CCNY: variants seen among roughly 807,000 people sequenced by gnomAD.
CCNY encodes the protein cyclin Y.
CCNY carries 19 observed loss-of-function variants against 42.8 expected under a neutral mutation model. The observed-to-expected ratio is 0.44, with a 90% CI of 0.31 to 0.65. The LOEUF (loss-of-function observed/expected upper bound fraction) is 0.65. CCNY is among the 30% of genes least tolerant of loss of function. The pLI is 0.07. For synonymous variants in CCNY, 165 were observed against 162.7 expected (o/e 1.01, Z -0.11); for missense variants, 370 against 437.3 (o/e 0.85, Z 1.37).
chr10:35,502,444 A>G (rs1840129800), intron 3 of CCNY, among the ~76,000 whole-genome samples: 1 of 152,214 alleles, frequency 6.6e-6, no homozygotes, highest in South Asian at 2.1e-4. Context: ...TTAAAGCCAT[A>G]ATGTTGTATT....
At chr10:35,365,386 T>C (rs1377748545) in intron 1 of CCNY, among the ~76,000 whole-genome samples, 1 of 152,230 alleles carries the variant, frequency 6.6e-6, no homozygotes, top group African/African-American at 2.4e-5. Flanking sequence ...AGCCAATACA[T>C]AGATTCATTT....
At chr10:35,308,595 G>A (rs1835643130) in intron 3 of CCNY, among the ~76,000 whole-genome samples, 1 of 152,072 alleles carries the variant, frequency 6.6e-6, no homozygotes, top group Non-Finnish European at 1.5e-5. Context: ...GGACAGAGAG[G>A]GAGCCTGGAA....
intron 1 of CCNY, among the ~76,000 whole-genome samples, chr10:35,404,389 G>A (rs1319220636): frequency 6.6e-6 from 1 of 152,170 alleles, no homozygotes; most frequent in Non-Finnish European, 1.5e-5. Context: ...TGTGGGGGCA[G>A]CTTCTAGGGC....
intron 1 of CCNY, among the ~76,000 whole-genome samples, chr10:35,380,969 A>G (rs1211049903): frequency 6.6e-6 from 1 of 152,118 alleles, no homozygotes; most frequent in Non-Finnish European, 1.5e-5. Context: ...TCCGAGTACC[A>G]TTTTAACTCT....
chr10:35,519,519 C>T (rs1840500620), intron 4 of CCNY, among the ~76,000 whole-genome samples: 1 of 152,180 alleles, frequency 6.6e-6, no homozygotes, highest in Non-Finnish European at 1.5e-5. Flanking sequence ...TCACAGGCAG[C>T]CAAAGTTGAA....
At chr10:35,565,559 C>G (rs907039146) in intron 8 of CCNY, among the ~76,000 whole-genome samples, 132 of 152,346 alleles carry the variant, frequency 8.7e-4, no homozygotes, top group Middle Eastern at 3.4e-3. Context: ...TACACAGTTC[C>G]TCCCTTCTTT....
chr10:35,552,850 C>T (rs1841287851), intron 7 of CCNY, among the ~76,000 whole-genome samples, 169 bp from the exon 8 acceptor site: 1 of 152,160 alleles, frequency 6.6e-6, no homozygotes, highest in Non-Finnish European at 1.5e-5. Context: ...ACTTTTAGCC[C>T]ACGTTTCATC....
chr10:35,362,952 C>G (rs973341369), intron 1 of CCNY, among the ~76,000 whole-genome samples: 2 of 152,128 alleles, frequency 1.3e-5, no homozygotes, highest in East Asian at 1.9e-4. Context: ...GGTCGGTGGC[C>G]GTACAGAGGC....
At chr10:35,518,739 A>C (rs1269584584) in intron 4 of CCNY, among the ~76,000 whole-genome samples, 1 of 144,584 alleles carries the variant, frequency 6.9e-6, no homozygotes, top group Non-Finnish European at 1.5e-5. Context: ...TGGCTGAGGC[A>C]TACTGTGGGT....
chr10:35,258,924 A>C (rs1305861189), intron 3 of CCNY, among the ~76,000 whole-genome samples: 1 of 140,874 alleles, frequency 7.1e-6, no homozygotes, highest in South Asian at 2.3e-4. Context: ...TGACAGAGAG[A>C]GACTGTCTTA....
At chr10:35,248,585 G>T (rs1310083862) in intron 2 of CCNY, among the ~76,000 whole-genome samples, 1 of 152,148 alleles carries the variant, frequency 6.6e-6, no homozygotes, top group Non-Finnish European at 1.5e-5. Flanking sequence ...GGAGGAGGTT[G>T]CAGTGAGCCA....
At chr10:35,535,141 A>C (rs1262132133) in intron 7 of CCNY, among the ~76,000 whole-genome samples, 3 of 151,776 alleles carry the variant, frequency 2.0e-5, no homozygotes, top group African/African-American at 7.3e-5. Flanking sequence ...ATTTGGAAGA[A>C]GGGGTCAGGG....
At chr10:35,314,435 C>T (rs1247911339) in intron 3 of CCNY, 1 of 151,950 alleles carries the variant, frequency 6.6e-6, no homozygotes, top group Non-Finnish European at 1.5e-5. Context: ...GGGTAAACTG[C>T]CCCCATGATT....
chr10:35,501,602 C>A, intron 3 of CCNY, 67 bp downstream of exon 3: 1 of 1,342,158 alleles, frequency 7.5e-7, no homozygotes, highest in Non-Finnish European at 1.1e-6. Flanking sequence ...AAATAACTGT[C>A]TGTGATGGAT....
At chr10:35,524,953 C>A (rs922731733) in intron 4 of CCNY, among the ~76,000 whole-genome samples, 2 of 152,144 alleles carry the variant, frequency 1.3e-5, no homozygotes, top group Non-Finnish European at 1.5e-5. Flanking sequence ...TTGTTAATGA[C>A]TTGAGGTCAA....
At chr10:35,561,073 C>T (rs987395799) in intron 8 of CCNY, among the ~76,000 whole-genome samples, 15 of 152,212 alleles carry the variant, frequency 9.9e-5, no homozygotes, top group Non-Finnish European at 1.9e-4. Context: ...AAGCTGCACT[C>T]CCTACCTGCA....
rs1343254222 is a variant in CCNY, at chr10:35,247,932, A to G, written c.-216-177A>G. On this transcript the variant is annotated intron_variant, in intron 1 of 11. Transcript: ENST00000374706. ...AAAGAAAGAAAAGAATAAATAAATGAAAAAAAAAAGAAAAATAGAGAAAGA... is the reference window on the plus strand; with the variant it reads ...AAAGAAAGAAAAGAATAAATAAATGGAAAAAAAAAGAAAAATAGAGAAAGA... Among the ~76,000 whole-genome samples the G allele has an allele frequency of 2.9e-5, 4 of 135,854 alleles. No homozygotes were observed. In the South Asian group the frequency reaches 6.5e-4, roughly 22 times the overall value. The allele number at this position is 135,854 out of a possible 152,430, so 89.1% of individuals were successfully genotyped here. A position where few individuals can be genotyped will look rare whatever the true frequency, so the allele number is the denominator to read the frequency against.
rs956044031 is a variant in CCNY at position 35,499,062 on chromosome 10, C to A, written c.230-2439C>A. 9.2e-5 allele frequency among the ~76,000 whole-genome samples: 14 copies of A among 152,062 alleles called. No homozygotes were observed. In the South Asian group the frequency reaches 2.3e-3, roughly 25 times the overall value. On this transcript the variant is annotated intron_variant, in intron 2 of 9. Transcript: ENST00000374704. ...AGCCTGATTCCTCCCTGAGATTGAT[C>A]CTTGTAGGTGGTGGACAAAAATGGC... is the stretch of plus-strand genomic sequence containing the variant.
chr10:35,278,317 G>A (rs2135050527), intron 3 of CCNY, among the ~76,000 whole-genome samples: 1 of 152,158 alleles, frequency 6.6e-6, no homozygotes, highest in Non-Finnish European at 1.5e-5. Flanking sequence ...GAGAGCACAC[G>A]CCGAAGGAGC....
Sources: gnomAD v4.1 joint callset for allele counts (sites outside exome capture counted in the v4.1 genomes callset) on GRCh38, gnomAD v4.1.1 for gene constraint, MANE v1.5 for transcripts, NCBI Gene and HGNC (gene_info 2026-07-23, HGNC 2026-07-21) for gene names.